Variants in TET2 observed in about 807,000 individuals in gnomAD.
The protein encoded by TET2 is tet methylcytosine dioxygenase 2.
Under a neutral mutation model 142.9 loss-of-function variants are expected in TET2, and 299 were observed. The ratio of observed to expected loss-of-function variants is 2.09; its 90% CI spans 1.90 to 2.30. TET2 has a LOEUF of 2.30. Among genes scored for constraint, TET2 ranks in the 30% most tolerant of loss-of-function variants. TET2 has a pLI of 0.00. For missense variants in TET2, 2,418 were observed against 2,378.0 expected, an observed-to-expected ratio of 1.02 and a Z score of -0.35; for synonymous variants, 819 against 849.0, an observed-to-expected ratio of 0.96 and a Z score of 0.61.
intron 5 of TET2, 146 bp downstream of exon 5, chr4:105,243,073 TAAG>T (rs34673032): frequency 0.034 from 23,985 of 707,464 alleles, 2,420 homozygotes; most frequent in African/African-American, 0.28. Context: ...TGTTATCTCT[TAAG>T]AAGAGGCAGA....
At chr4:105,204,517 T>C (rs1726700600) in intron 2 of TET2, among the ~76,000 whole-genome samples, 2 of 152,176 alleles carry the variant, frequency 1.3e-5, no homozygotes, top group Admixed American at 1.3e-4. Flanking sequence ...TTTCCCTTCT[T>C]TTTCTTTGCT....
intron 1 of TET2, among the ~76,000 whole-genome samples, chr4:105,180,008 CCCTT>C (rs1725023279): frequency 6.6e-6 from 1 of 152,102 alleles, no homozygotes; most frequent in Non-Finnish European, 1.5e-5. Flanking sequence ...TTGTCTGTCT[CCCTT>C]CTTTCACTGT....
intron 7 of TET2, among the ~76,000 whole-genome samples, chr4:105,260,992 G>A (rs1730395652): frequency 6.6e-6 from 1 of 151,910 alleles, no homozygotes; most frequent in Non-Finnish European, 1.5e-5. Flanking sequence ...TATTGCCTCT[G>A]TTGGGTAGGA....
intron 6 of TET2, among the ~76,000 whole-genome samples, chr4:105,255,731 A>G (rs572956090): frequency 3.7e-4 from 56 of 152,238 alleles, no homozygotes; most frequent in African/African-American, 1.3e-3. Flanking sequence ...TAGATATCGT[A>G]TAGTTAAATC....
At position 105,276,627 on chromosome 4, in the gene TET2, A is replaced by G. The variant is rs937894530; in HGVS notation, c.*108A>G. The G allele has an allele frequency of 7.7e-7, 1 of 1,290,978 alleles. No individual in the cohort carries two copies. The highest frequency in any genetic ancestry group is 1.0e-6 in the Non-Finnish European group (1 of 959,732). 80.0% of individuals were successfully genotyped at this position (1,290,978 alleles called of 1,614,324 possible). On this transcript the variant is annotated 3_prime_UTR_variant, in exon 11 of 11. Transcript: ENST00000380013. Reference sequence around the variant, plus strand: ...GGGGAAAGGTCACAGTATTCATGACAAATGTGGTGGGAAAAACCTCAGCTC... The same window carrying G: ...GGGGAAAGGTCACAGTATTCATGACGAATGTGGTGGGAAAAACCTCAGCTC...
Position 105,236,361 on chromosome 4 carries a change from G to A in TET2, c.2419G>A (p.Glu807Lys). ...FETHNVQMGL[E>K]EVQNINRRNS... is the part of the protein sequence containing the mutation. ...GACTCATAATGTCCAAATGGGACTG[G>A]AGGAAGTACAGAATATAAATCGTAG... Residue 807 changes from glutamate to lysine, a missense_variant, in exon 3 of 11, where the codon GAG (glutamate) becomes AAG (lysine). Physicochemically the swap from Glu to Lys is moderately conservative, Grantham distance 56. Coordinates refer to ENST00000380013, the MANE Select transcript of TET2 (RefSeq NM_001127208.3). The A allele has an allele frequency of 6.2e-7, 1 of 1,613,996 alleles. No homozygotes were observed. Among genetic ancestry groups the A allele is most frequent in the Non-Finnish European group, 8.5e-7 (1 of 1,180,018 alleles).
At chr4:105,147,231 A>C (rs989877715) in intron 1 of TET2, among the ~76,000 whole-genome samples, 1 of 152,266 alleles carries the variant, frequency 6.6e-6, no homozygotes, top group Non-Finnish European at 1.5e-5. Context: ...CTCATCTCCC[A>C]GAAAACTTAC....
rs1460224397 is a variant in TET2 at position 105,278,057 on chromosome 4, A to G, written c.*1538A>G. On this transcript the variant is annotated 3_prime_UTR_variant, in exon 11 of 11. Transcript: ENST00000380013. ...CAGCTGGTTTGCTGTGGTGGTTTTA[A>G]ATCATTAATTTGTATAAAGAAGTGA... 4.9e-6 allele frequency: 1 copy of G among 205,972 alleles called. No homozygotes were observed. Among genetic ancestry groups the G allele is most frequent in the Non-Finnish European group, 9.9e-6 (1 of 101,068 alleles). The allele number at this position is 205,972 out of a possible 1,614,324, so 12.8% of individuals were successfully genotyped here. A position where few individuals can be genotyped will look rare whatever the true frequency, so the allele number is the denominator to read the frequency against.
At position 105,237,352 on chromosome 4, in the gene TET2, G is replaced by A. The variant is rs772634266; in HGVS notation, c.3409+1G>A. On this transcript the variant is annotated splice_donor_variant, in intron 3 of 10. Coordinates refer to ENST00000380013, the MANE Select transcript of TET2 (RefSeq NM_001127208.3). LOFTEE classifies it high-confidence loss of function. ...GATTTCCCATCTTGCAGATGTGTAG[G>A]TAAGTGCCAGAAATGTACTGAGACA... 9 of 1,613,894 alleles carry A rather than the reference G, an allele frequency of 5.6e-6. No individual in the cohort carries two copies. Among genetic ancestry groups the A allele is most frequent in the Admixed American group, 1.7e-5 (1 of 59,970 alleles).
In TET2 at chr4:105,236,966, G is replaced by T; in HGVS notation, c.3024G>T (p.Lys1008Asn). ...PENKTWKKVTKQENPPASCDN... is the reference protein window; with the variant it reads ...PENKTWKKVTNQENPPASCDN... ...ACAAAACATGGAAAAAGGTAACTAA[G>T]CAAGAGAATCCACCTGCAAGCTGTG... Residue 1008 changes from lysine (K) to asparagine (N), a missense_variant, in exon 3 of 11, where the codon AAG becomes AAT. Lys to Asn is a moderately conservative substitution (Grantham distance 94). Coordinates refer to ENST00000380013, the MANE Select transcript of TET2 (RefSeq NM_001127208.3). The T allele has an allele frequency of 6.2e-7, 1 of 1,614,078 alleles. No individual in the cohort carries two copies. The highest frequency in any genetic ancestry group is 8.5e-7 in the Non-Finnish European group (1 of 1,180,012).
intron 4 of TET2, chr4:105,241,773 G>A: frequency 1.6e-6 from 2 of 1,252,152 alleles, no homozygotes; most frequent in Non-Finnish European, 2.0e-6. Flanking sequence ...TGATAATAAA[G>A]TGTCAAAGCA....
chr4:105,208,892 A>G (rs1421187849), intron 2 of TET2, among the ~76,000 whole-genome samples: 1 of 151,510 alleles, frequency 6.6e-6, no homozygotes, highest in Non-Finnish European at 1.5e-5. Flanking sequence ...CTCAAATTCA[A>G]AGTGATAAGT....
chr4:105,154,650 G>T (rs996587557), intron 1 of TET2, among the ~76,000 whole-genome samples: 2 of 152,174 alleles, frequency 1.3e-5, no homozygotes, highest in African/African-American at 2.4e-5. Flanking sequence ...GGTAAAGAGG[G>T]CTTAATGTAT....
intron 2 of TET2, among the ~76,000 whole-genome samples, chr4:105,192,491 G>T (rs1326344437): frequency 6.6e-6 from 1 of 152,068 alleles, no homozygotes; most frequent in Non-Finnish European, 1.5e-5. Context: ...ATAATAACAG[G>T]ATTATTTTAT....
At chr4:105,218,863 A>ATT (rs1727647556) in intron 2 of TET2, among the ~76,000 whole-genome samples, 1 of 151,892 alleles carries the variant, frequency 6.6e-6, no homozygotes, top group South Asian at 2.1e-4. Context: ...TAATGTCTAT[A>ATT]TTATATATAT....
intron 3 of TET2, chr4:105,240,878 A>G: frequency 9.3e-7 from 1 of 1,080,252 alleles, no homozygotes. Context: ...AAAAAGGGGT[A>G]TCCTTGACAA....
intron 8 of TET2, among the ~76,000 whole-genome samples, chr4:105,267,147 T>C (rs1730719257): frequency 6.6e-6 from 1 of 150,502 alleles, no homozygotes; most frequent in South Asian, 2.1e-4. Flanking sequence ...TGAAAACAAC[T>C]CTCAAAAAAG....
chr4:105,220,597 GAAAAGGAGCTCAGGGCTCCTT>G (rs1727756862), intron 2 of TET2, among the ~76,000 whole-genome samples: 14 of 152,154 alleles, frequency 9.2e-5, no homozygotes, highest in Admixed American at 9.2e-4. Context: ...GAGGAAGGAT[GAAAAGGAGCTCAGGGCTCCTT>G]AAGCACCTGA....
intron 2 of TET2, among the ~76,000 whole-genome samples, chr4:105,229,027 T>A (rs1407851003): frequency 2.6e-5 from 4 of 152,192 alleles, no homozygotes; most frequent in Non-Finnish European, 5.9e-5. Flanking sequence ...AGAAACAAAT[T>A]GATGATACGT....
Sources: gnomAD v4.1 joint callset for allele counts (sites outside exome capture counted in the v4.1 genomes callset) on GRCh38, gnomAD v4.1.1 for gene constraint, MANE v1.5 for transcripts, NCBI Gene and HGNC (gene_info 2026-07-23, HGNC 2026-07-21) for gene names.